The following KCTD16 variants were observed in gnomAD, a reference collection of about 807,000 sequenced individuals.
KCTD16 encodes BTB/POZ domain-containing protein KCTD16.
KCTD16 carries 13 observed loss-of-function variants against 33.2 expected under a neutral mutation model. That is an observed-to-expected ratio of 0.39 (90% CI 0.25 to 0.62). KCTD16 has a LOEUF of 0.62. Among genes scored for constraint, KCTD16 ranks in the 20% least tolerant of loss-of-function variants. The probability of loss-of-function intolerance (pLI) is 0.50; values close to 1 mark genes in which losing one functional copy is unlikely to be tolerated. For synonymous variants in KCTD16, 197 were observed against 195.3 expected (o/e 1.01, Z -0.07); for missense variants, 441 against 525.1 (o/e 0.84, Z 1.57).
At chr5:144,195,199 C>G (rs1752918363) in intron 2 of KCTD16, among the ~76,000 whole-genome samples, 1 of 152,218 alleles carries the variant, frequency 6.6e-6, no homozygotes, top group Admixed American at 6.5e-5. Flanking sequence ...ATGGGGGAAT[C>G]TCTTCCTGGA....
rs1259142052 is a variant in KCTD16 at position 144,475,526 on chromosome 5, T to G, written c.*1412T>G. On this transcript the variant is annotated 3_prime_UTR_variant, in exon 4 of 4. Transcript: ENST00000512467. The stretch of plus-strand genomic sequence containing the variant: ...ACTCTGTATTTTACTAAGGTACCAA[T>G]AGCTCTTTCATAGACTTGTGCTACA... 1.3e-5 allele frequency: 2 copies of G among 152,674 alleles called. No individual in the cohort carries two copies. Among genetic ancestry groups the G allele is most frequent in the East Asian group, 3.8e-4 (2 of 5,200 alleles). 9.5% of individuals were successfully genotyped at this position (152,674 alleles called of 1,614,324 possible). A position where few individuals can be genotyped will look rare whatever the true frequency, so the allele number is the denominator to read the frequency against.
At chr5:144,444,144 G>A (rs992409999) in intron 3 of KCTD16, among the ~76,000 whole-genome samples, 12 of 151,868 alleles carry the variant, frequency 7.9e-5, no homozygotes, top group African/African-American at 1.9e-4. Flanking sequence ...GATTGCCATC[G>A]TTTCATGTTT....
intron 3 of KCTD16, among the ~76,000 whole-genome samples, chr5:144,310,210 G>A (rs1195442189): frequency 6.6e-6 from 1 of 152,002 alleles, no homozygotes; most frequent in East Asian, 1.9e-4. Context: ...TTCCATCCAT[G>A]TTGCTACAAA....
At chr5:144,233,566 C>T (rs1176875324) in intron 3 of KCTD16, among the ~76,000 whole-genome samples, 2 of 152,108 alleles carry the variant, frequency 1.3e-5, no homozygotes, top group Non-Finnish European at 2.9e-5. Flanking sequence ...CTTGTATTTT[C>T]TCTTAAAAGG....
intron 3 of KCTD16, among the ~76,000 whole-genome samples, chr5:144,440,403 A>T (rs1753678961): frequency 6.6e-6 from 1 of 152,086 alleles, no homozygotes; most frequent in Non-Finnish European, 1.5e-5. Context: ...GAACTGAAAA[A>T]CTGTTTTCCA....
intron 3 of KCTD16, among the ~76,000 whole-genome samples, chr5:144,305,757 T>A (rs1751589044): frequency 6.6e-6 from 1 of 152,198 alleles, no homozygotes; most frequent in Non-Finnish European, 1.5e-5. Flanking sequence ...CAGGTTGCAG[T>A]GAGCTGAGAT....
At chr5:144,175,116 T>C (rs1752474862) in intron 2 of KCTD16, among the ~76,000 whole-genome samples, 1 of 152,222 alleles carries the variant, frequency 6.6e-6, no homozygotes. Context: ...CTAACACCTA[T>C]TTATACTTCA....
intron 2 of KCTD16, among the ~76,000 whole-genome samples, chr5:144,203,251 T>A (rs1753083190): frequency 6.6e-6 from 1 of 152,090 alleles, no homozygotes; most frequent in African/African-American, 2.4e-5. Context: ...ATACTCTTTT[T>A]AAGAGTATTA....
intron 3 of KCTD16, among the ~76,000 whole-genome samples, chr5:144,366,106 A>C (rs1751826944): frequency 6.6e-6 from 1 of 152,160 alleles, no homozygotes; most frequent in Non-Finnish European, 1.5e-5. Context: ...GTACACTCAT[A>C]CATATGTACA....
chr5:144,404,109 A>C (rs533297398), intron 3 of KCTD16, among the ~76,000 whole-genome samples: 1 of 152,304 alleles, frequency 6.6e-6, no homozygotes, highest in East Asian at 1.9e-4. Context: ...AGATGGCCTG[A>C]GAATGTCTCA....
chr5:144,467,266 C>T (rs1039261547), intron 3 of KCTD16, among the ~76,000 whole-genome samples: 1 of 151,486 alleles, frequency 6.6e-6, no homozygotes, highest in African/African-American at 2.4e-5. Flanking sequence ...ATGTCTTTTG[C>T]ATGTCAGAAT....
intron 3 of KCTD16, among the ~76,000 whole-genome samples, chr5:144,385,696 C>T (rs1655904332): frequency 6.6e-6 from 1 of 152,114 alleles, no homozygotes; most frequent in Admixed American, 6.5e-5. Context: ...CCCAAATTTG[C>T]AAAAATGTAT....
intron 3 of KCTD16, among the ~76,000 whole-genome samples, chr5:144,294,872 G>C (rs1441921464): frequency 1.3e-5 from 2 of 152,156 alleles, no homozygotes; most frequent in Non-Finnish European, 1.5e-5. Flanking sequence ...AGCTCAGTTA[G>C]AGCATGAGCA....
At chr5:144,283,274 T>A (rs1294167859) in intron 3 of KCTD16, among the ~76,000 whole-genome samples, 2 of 152,180 alleles carry the variant, frequency 1.3e-5, no homozygotes, top group Non-Finnish European at 2.9e-5. Context: ...TAGGAATGTC[T>A]CCACCCTGTT....
Position 144,305,270 on chromosome 5 carries a change from A to T in KCTD16, c.832+97724A>T, listed in dbSNP as rs140334460. On this transcript the variant is annotated intron_variant, in intron 3 of 3. Coordinates refer to ENST00000512467, the MANE Select transcript of KCTD16 (RefSeq NM_020768.4). ...TACTTGGTTCAATGTTGATAGGAAG[A>T]TCTACCAGCAAAGGTTGTGTTATAA... 3.8e-3 allele frequency among the ~76,000 whole-genome samples: 586 copies of T among 152,264 alleles called. 4 individuals carry two copies. The highest frequency in any genetic ancestry group is 0.022 in the Admixed American group (338 of 15,296).
chr5:144,310,185 C>T (rs1301093714), intron 3 of KCTD16, among the ~76,000 whole-genome samples: 1 of 152,138 alleles, frequency 6.6e-6, no homozygotes, highest in Admixed American at 6.5e-5. Context: ...TTTCACTTAA[C>T]ATAATGACCT....
chr5:144,195,460 C>A lies in KCTD16; in HGVS notation c.-326-10929C>A, dbSNP rs1489236651. Among the ~76,000 whole-genome samples the A allele has an allele frequency of 3.3e-5, 5 of 152,198 alleles. No individual in the cohort carries two copies. In the East Asian group the frequency reaches 7.7e-4, roughly 23 times the overall value. On this transcript the variant is annotated intron_variant, in intron 2 of 3. Transcript: ENST00000512467. ...TTCATGATTTTTGCAGAATCTCCAG[C>A]ACCGTTGCTTGGTCACCTTTTGTCA... is the stretch of plus-strand genomic sequence containing the variant.
rs142904332 is a variant in KCTD16, at chr5:144,410,289, G to A, written c.833-63371G>A. Among the ~76,000 whole-genome samples, 267 of 152,278 alleles carry A rather than the reference G, an allele frequency of 1.8e-3. 3 individuals are homozygous for A. The highest frequency in any genetic ancestry group is 3.2e-3 in the Non-Finnish European group (221 of 68,014). ...CAAAAGGTCCAGAATAGGATACATTGTTTGGTTTATGCAGCTGTTAAATTA... is the reference window on the plus strand; with the variant it reads ...CAAAAGGTCCAGAATAGGATACATTATTTGGTTTATGCAGCTGTTAAATTA... On this transcript the variant is annotated intron_variant, in intron 3 of 3. Coordinates refer to ENST00000512467, the MANE Select transcript of KCTD16 (RefSeq NM_020768.4).
chr5:144,403,996 C>T (rs575520489), intron 3 of KCTD16, among the ~76,000 whole-genome samples: 103 of 152,280 alleles, frequency 6.8e-4, no homozygotes, highest in Non-Finnish European at 1.1e-3. Context: ...GGAAGCAGGC[C>T]GTGCGCATCC....
Sources: gnomAD v4.1 joint callset for allele counts (sites outside exome capture counted in the v4.1 genomes callset) on GRCh38, gnomAD v4.1.1 for gene constraint, MANE v1.5 for transcripts, NCBI Gene and HGNC (gene_info 2026-07-23, HGNC 2026-07-21) for gene names.